The following SPATC1 variants were observed in gnomAD, a reference collection of about 807,000 sequenced individuals.
SPATC1 encodes the protein speriolin.
A neutral mutation model predicts 36.5 loss-of-function variants in SPATC1; 35 were observed. That is an observed-to-expected ratio of 0.96 (90% CI 0.73 to 1.27). The LOEUF (loss-of-function observed/expected upper bound fraction) is 1.27, where lower values mean the gene tolerates loss of function less well. Among genes scored for constraint, SPATC1 ranks in the 50% most tolerant of loss-of-function variants. The pLI is 0.00. For synonymous variants in SPATC1, 361 were observed against 353.6 expected (o/e 1.02, Z -0.24); for missense variants, 779 against 796.0 (o/e 0.98, Z 0.26).
chr8:144,037,658 C>G lies in SPATC1; in HGVS notation c.212-2251C>G, dbSNP rs553541085. 5.3e-3 allele frequency among the ~76,000 whole-genome samples: 807 copies of G among 152,074 alleles called. 5 individuals are homozygous for G. Among genetic ancestry groups the G allele is most frequent in the African/African-American group, 0.018 (745 of 41,430 alleles). On this transcript the variant is annotated intron_variant, in intron 1 of 4. Transcript: ENST00000377470. ...CTCCCTAATCTCAAGTACCCAGGGACACAAACACTGTGGAAGGCCGCAGGG... is the reference window on the plus strand; with the variant it reads ...CTCCCTAATCTCAAGTACCCAGGGAGACAAACACTGTGGAAGGCCGCAGGG...
chr8:144,043,685 AT>A lies in SPATC1; in HGVS notation c.1446+2335del, dbSNP rs527881198. On this transcript the variant is annotated intron_variant, in intron 4 of 4. Transcript: ENST00000377470. ...GCCACTGCACTGGCCTATGGACTAC[AT>A]TTTTTTTTTTTTTTTTTTTTACATA... 9.9e-3 allele frequency among the ~76,000 whole-genome samples: 1,280 copies of A among 129,904 alleles called. 4 individuals carry two copies. Among genetic ancestry groups the A allele is most frequent in the Middle Eastern group, 0.02 (5 of 248 alleles). The allele number at this position is 129,904 out of a possible 152,430, so 85.2% of individuals were successfully genotyped here.
At chr8:144,033,720 G>A (rs1349019823) in intron 1 of SPATC1, among the ~76,000 whole-genome samples, 2 of 152,228 alleles carry the variant, frequency 1.3e-5, no homozygotes, top group Non-Finnish European at 2.9e-5. Context: ...AGACTGATGT[G>A]GGTGGCATGC....
chr8:144,016,047 C>T lies in SPATC1; in HGVS notation c.211+3321C>T, dbSNP rs1298626065. Among the ~76,000 whole-genome samples, 2 of 133,524 alleles carry T rather than the reference C, an allele frequency of 1.5e-5. No individual in the cohort carries two copies. The highest frequency in any genetic ancestry group is 5.8e-5 in the African/African-American group (2 of 34,272). The allele number at this position is 133,524 out of a possible 152,430, so 87.6% of individuals were successfully genotyped here. ...ACTGCACTCCAGCCTGGGCTGGAGACTTTTGAGACTCTGTCTCAAAAAAAA... is the reference window on the plus strand; with the variant it reads ...ACTGCACTCCAGCCTGGGCTGGAGATTTTTGAGACTCTGTCTCAAAAAAAA... On this transcript the variant is annotated intron_variant, in intron 1 of 4. Coordinates refer to ENST00000377470, the MANE Select transcript of SPATC1 (RefSeq NM_198572.3). This position sits in a 1 kb window ranked among gnomAD's most constrained non-coding sequence, Gnocchi z 4.5.
intron 1 of SPATC1, among the ~76,000 whole-genome samples, chr8:144,024,574 C>A (rs989109062): frequency 1.3e-4 from 20 of 150,154 alleles, no homozygotes; most frequent in African/African-American, 4.7e-4. Context: ...CCTTCAGAAC[C>A]CTTTCCCTAA....
intron 1 of SPATC1, among the ~76,000 whole-genome samples, chr8:144,035,629 C>T (rs1327367443): frequency 2.0e-5 from 3 of 152,256 alleles, no homozygotes; most frequent in African/African-American, 7.2e-5. Context: ...CCATTTCCCT[C>T]TGGGGACGAG....
At chr8:144,035,299 T>C (rs1049671126) in intron 1 of SPATC1, among the ~76,000 whole-genome samples, 98 of 152,252 alleles carry the variant, frequency 6.4e-4, no homozygotes, top group African/African-American at 2.2e-3. Flanking sequence ...GGGAAGAAAG[T>C]GGGTAGCACT....
intron 1 of SPATC1, among the ~76,000 whole-genome samples, chr8:144,022,476 C>A (rs1427897537): frequency 1.4e-5 from 1 of 69,912 alleles, no homozygotes; most frequent in East Asian, 3.9e-4. Flanking sequence ...GAACCTCACA[C>A]TCCAGGACCT....
At chr8:144,037,029 G>A (rs1462924016) in intron 1 of SPATC1, among the ~76,000 whole-genome samples, 1 of 150,952 alleles carries the variant, frequency 6.6e-6, no homozygotes, top group Non-Finnish European at 1.5e-5. Flanking sequence ...TTTGTACACA[G>A]CCTGTTAAGA....
chr8:144,039,769 G>C, intron 1 of SPATC1, 140 bp from the exon 2 acceptor site: 1 of 856,896 alleles, frequency 1.2e-6, no homozygotes, highest in Non-Finnish European at 1.8e-6. Context: ...GAGGCTCAGA[G>C]ACCAGGTCGG....
intron 1 of SPATC1, among the ~76,000 whole-genome samples, chr8:144,021,020 GAAA>G: frequency 5.0e-5 from 2 of 40,184 alleles, no homozygotes; most frequent in Non-Finnish European, 4.6e-5. Context: ...CTCCTTCCCT[GAAA>G]ACCTTCCCCC....
chr8:144,039,139 G>T (rs957345110), intron 1 of SPATC1, among the ~76,000 whole-genome samples: 5 of 152,140 alleles, frequency 3.3e-5, no homozygotes, highest in African/African-American at 1.2e-4. Flanking sequence ...CAATGAAATT[G>T]CATACTCACA....
intron 1 of SPATC1, among the ~76,000 whole-genome samples, chr8:144,025,441 G>GTCC (rs1383914978): frequency 2.0e-5 from 3 of 152,214 alleles, no homozygotes; most frequent in Admixed American, 1.3e-4. Context: ...TGAATCTGAA[G>GTCC]TCCTCTTCAA....
At chr8:144,041,570 G>A (rs990781182) in intron 4 of SPATC1, among the ~76,000 whole-genome samples, 199 bp downstream of exon 4, 27 of 152,234 alleles carry the variant, frequency 1.8e-4, no homozygotes, top group Admixed American at 1.4e-3. Context: ...AGAGGAAGGC[G>A]AGGTGGGGGT....
rs1462440410 is a variant in SPATC1 at position 144,016,492 on chromosome 8, G to A, written c.211+3766G>A. On this transcript the variant is annotated intron_variant, in intron 1 of 4. Coordinates refer to ENST00000377470, the MANE Select transcript of SPATC1 (RefSeq NM_198572.3). The surrounding 1 kb of genome is among the most constrained non-coding windows in gnomAD (Gnocchi z 4.5). ...TGTGGTGTGTTCATGTGTGACAGGG[G>A]CCAGGGAGAGGTGAAAAATGCAGCT... Among the ~76,000 whole-genome samples the A allele has an allele frequency of 4.6e-5, 7 of 152,040 alleles. No individual in the cohort carries two copies. Among genetic ancestry groups the A allele is most frequent in the African/African-American group, 7.3e-5 (3 of 41,376 alleles).
intron 1 of SPATC1, 83 bp from the exon 2 acceptor site, chr8:144,039,826 C>T (rs1835011565): frequency 7.0e-7 from 1 of 1,430,272 alleles, no homozygotes; most frequent in Admixed American, 1.8e-5. Context: ...CCAGGCCCTA[C>T]CACAGTGACA....
At chr8:144,013,551 G>C (rs1834321842) in intron 1 of SPATC1, among the ~76,000 whole-genome samples, 1 of 152,142 alleles carries the variant, frequency 6.6e-6, no homozygotes, top group African/African-American at 2.4e-5. Flanking sequence ...CCTGAAATGT[G>C]GCATAGGGCT....
In SPATC1 at chr8:144,018,974, A is replaced by G. The variant is rs1253989627; in HGVS notation, c.211+6248A>G. On this transcript the variant is annotated intron_variant, in intron 1 of 4. Transcript: ENST00000377470. ...GGAGAATGGCATGAACCCGGGAGGC[A>G]GAGCTTGCAGTGAGCCGAGATCGCG... is the stretch of plus-strand genomic sequence containing the variant. Among the ~76,000 whole-genome samples the G allele has an allele frequency of 5.5e-5, 8 of 144,688 alleles. No homozygotes were observed. In the South Asian group the frequency reaches 7.1e-4, roughly 13 times the overall value. The allele number at this position is 144,688 out of a possible 152,430, so 94.9% of individuals were successfully genotyped here.
At chr8:144,032,629 G>C (rs1302929638) in intron 1 of SPATC1, among the ~76,000 whole-genome samples, 1 of 152,000 alleles carries the variant, frequency 6.6e-6, no homozygotes, top group Non-Finnish European at 1.5e-5. Flanking sequence ...ATTATAACGT[G>C]GTGACTCTGG....
In SPATC1 at chr8:144,045,404, G is replaced by A. The variant is rs1835232626; in HGVS notation, c.1447-1223G>A. 6.6e-6 allele frequency among the ~76,000 whole-genome samples: 1 copy of A among 152,220 alleles called. No individual in the cohort carries two copies. The highest frequency in any genetic ancestry group is 1.5e-5 in the Non-Finnish European group (1 of 68,038). Reference sequence around the variant, plus strand: ...GGCCCGGTCCTGAGTCCAGCCCCAAGACTGGTACCCTGCGCCTGGAGCCTT... The same window carrying A: ...GGCCCGGTCCTGAGTCCAGCCCCAAAACTGGTACCCTGCGCCTGGAGCCTT... On this transcript the variant is annotated intron_variant, in intron 4 of 4. Transcript: ENST00000377470. The surrounding 1 kb of genome is among the most constrained non-coding windows in gnomAD (Gnocchi z 5.2).
Sources: gnomAD v4.1 joint callset for allele counts (sites outside exome capture counted in the v4.1 genomes callset) on GRCh38, gnomAD v4.1.1 for gene constraint, Gnocchi (gnomAD v3.1) non-coding constraint, MANE v1.5 for transcripts, NCBI Gene and HGNC (gene_info 2026-07-23, HGNC 2026-07-21) for gene names.